The following MDGA2 variants were observed in gnomAD, a reference collection of about 807,000 sequenced individuals.
MDGA2 encodes MAM domain-containing glycosylphosphatidylinositol anchor protein 2.
In MDGA2, 40 loss-of-function variants were observed where a neutral mutation model predicts 117.8. The ratio of observed to expected loss-of-function variants is 0.34; its 90% CI spans 0.26 to 0.44. The LOEUF (loss-of-function observed/expected upper bound fraction) is 0.44, where lower values mean the gene tolerates loss of function less well. Ranked by LOEUF, MDGA2 falls within the 20% of genes least tolerant of loss-of-function variation. The probability of loss-of-function intolerance (pLI) is 1.00; values close to 1 mark genes in which losing one functional copy is unlikely to be tolerated. For synonymous variants in MDGA2, 452 were observed against 439.0 expected, an observed-to-expected ratio of 1.03 and a Z score of -0.37; for missense variants, 1,123 against 1,250.6, an observed-to-expected ratio of 0.90 and a Z score of 1.54.
chr14:46,914,368 C>A (rs1883822505), intron 10 of MDGA2, among the ~76,000 whole-genome samples: 1 of 152,050 alleles, frequency 6.6e-6, no homozygotes, highest in Admixed American at 6.5e-5. Flanking sequence ...CTTTTTTCCA[C>A]AAATTAATTT....
At chr14:47,154,231 T>A (rs1883276573) in intron 3 of MDGA2, among the ~76,000 whole-genome samples, 1 of 152,096 alleles carries the variant, frequency 6.6e-6, no homozygotes, top group African/African-American at 2.4e-5. Flanking sequence ...AAATGCCCAA[T>A]GTTTGAAATA....
At chr14:47,625,008 ACT>A (rs1171972771) in intron 1 of MDGA2, among the ~76,000 whole-genome samples, 7 of 152,052 alleles carry the variant, frequency 4.6e-5, no homozygotes, top group African/African-American at 1.2e-4. Context: ...AATCACTGAA[ACT>A]CTCATTTTTA....
Position 47,038,410 on chromosome 14 carries a change from A to G in MDGA2, c.1526-3106T>C, listed in dbSNP as rs922783584. 1.3e-4 allele frequency among the ~76,000 whole-genome samples: 20 copies of G among 152,316 alleles called. 1 individual carries two copies. The Middle Eastern group carries it at 0.02, about 155-fold the overall frequency. On this transcript the variant is annotated intron_variant, in intron 7 of 16. Coordinates refer to ENST00000399232, the MANE Select transcript of MDGA2 (RefSeq NM_001113498.3). Reference sequence around the variant, plus strand: ...TATTACATTAGACCGTTCAAATCACAATAGATTATTGACTATAATTTTTTT... The same window carrying G: ...TATTACATTAGACCGTTCAAATCACGATAGATTATTGACTATAATTTTTTT...
In MDGA2 at chr14:47,531,105, C is replaced by T. The variant is rs573510827; in HGVS notation, c.280+143412G>A. 6.6e-5 allele frequency among the ~76,000 whole-genome samples: 10 copies of T among 152,134 alleles called. No homozygotes were observed. In the South Asian group the frequency reaches 1.5e-3, roughly 22 times the overall value. ...CTAAAAATACAAAAAGTTAGCCAGG[C>T]GTGGTGGTGGGCGCCTGTAGTCCCA... On this transcript the variant is annotated intron_variant, in intron 1 of 16. Transcript: ENST00000399232.
At chr14:47,240,414 TGTTAA>T (rs1264493065) in intron 2 of MDGA2, among the ~76,000 whole-genome samples, 2 of 151,838 alleles carry the variant, frequency 1.3e-5, no homozygotes, top group Non-Finnish European at 2.9e-5. Context: ...TATAGGAGTG[TGTTAA>T]GTTATGAACA....
intron 6 of MDGA2, among the ~76,000 whole-genome samples, chr14:47,083,611 T>C (rs753044125): frequency 6.6e-6 from 1 of 152,028 alleles, no homozygotes; most frequent in Non-Finnish European, 1.5e-5. Flanking sequence ...GTGTAAATTA[T>C]CTAAATACAC....
intron 1 of MDGA2, among the ~76,000 whole-genome samples, chr14:47,512,728 G>A (rs1018156332): frequency 5.3e-5 from 8 of 152,164 alleles, no homozygotes; most frequent in South Asian, 2.1e-4. Context: ...ATTCCCTATA[G>A]AGCCACTCAA....
intron 10 of MDGA2, among the ~76,000 whole-genome samples, chr14:46,886,715 A>G (rs1323932760): frequency 6.6e-6 from 1 of 151,962 alleles, no homozygotes; most frequent in African/African-American, 2.4e-5. Flanking sequence ...AATAAGAGAG[A>G]GAAGGAATTC....
In MDGA2 at chr14:46,920,123, G is replaced by A; in HGVS notation, c.2127C>T (p.Tyr709=). 6.2e-7 allele frequency: 1 copy of A among 1,610,562 alleles called. No individual in the cohort carries two copies. The highest frequency in any genetic ancestry group is 8.5e-7 in the Non-Finnish European group (1 of 1,178,594). The change falls in exon 10 of 17, where the codon TAC becomes TAT. Residue 709 remains tyrosine, a synonymous_variant. Coordinates refer to ENST00000399232, the MANE Select transcript of MDGA2 (RefSeq NM_001113498.3). ...GGTGTCTGTTCTGCCATACTGGATTGTAGGTATCATAATAGAATTCTGGAG... is the reference window on the plus strand; with the variant it reads ...GGTGTCTGTTCTGCCATACTGGATTATAGGTATCATAATAGAATTCTGGAG... The part of the protein sequence containing the change: ...AYAPEFYYDT[Y]NPVWQNRHRV...
intron 1 of MDGA2, among the ~76,000 whole-genome samples, chr14:47,493,480 C>A (rs1403214453): frequency 6.6e-6 from 1 of 151,624 alleles, no homozygotes; most frequent in African/African-American, 2.4e-5. Flanking sequence ...ACTGCCTGGG[C>A]TGAGTTTTGT....
At chr14:46,979,347 G>C (rs1886582628) in intron 8 of MDGA2, among the ~76,000 whole-genome samples, 1 of 151,816 alleles carries the variant, frequency 6.6e-6, no homozygotes. Context: ...GTTGAAATTA[G>C]GCCAATTAAC....
At chr14:47,370,610 G>T (rs1449880350) in intron 1 of MDGA2, among the ~76,000 whole-genome samples, 1 of 149,184 alleles carries the variant, frequency 6.7e-6, no homozygotes, top group Non-Finnish European at 1.5e-5. Flanking sequence ...ATGTAAGAAT[G>T]TGTTGTTTAT....
intron 1 of MDGA2, among the ~76,000 whole-genome samples, chr14:47,407,064 G>A (rs1892274996): frequency 1.3e-5 from 2 of 151,876 alleles, no homozygotes; most frequent in Middle Eastern, 3.4e-3. Flanking sequence ...ACATTATGTA[G>A]GTTGTTTCCA....
At chr14:47,306,057 G>A (rs983981431) in intron 1 of MDGA2, 1 of 152,110 alleles carries the variant, frequency 6.6e-6, no homozygotes, top group African/African-American at 2.4e-5. Context: ...ATCCCCTGTA[G>A]TTTATCATTT....
At chr14:47,068,069 A>G (rs1322342225) in intron 6 of MDGA2, among the ~76,000 whole-genome samples, 1 of 152,150 alleles carries the variant, frequency 6.6e-6, no homozygotes, top group Non-Finnish European at 1.5e-5. Flanking sequence ...GAGTCAGACG[A>G]TGAAATGAAG....
chr14:47,269,208 T>C (rs1397412049), intron 2 of MDGA2, among the ~76,000 whole-genome samples: 1 of 151,652 alleles, frequency 6.6e-6, no homozygotes, highest in African/African-American at 2.4e-5. Flanking sequence ...CCCTAAGCAT[T>C]TTTTTTTGGT....
intron 1 of MDGA2, among the ~76,000 whole-genome samples, chr14:47,569,449 TG>T (rs1322031293): frequency 1.3e-5 from 2 of 152,172 alleles, no homozygotes; most frequent in East Asian, 3.9e-4. Context: ...ATTTCGTGAT[TG>T]GGGAACAGAT....
intron 3 of MDGA2, among the ~76,000 whole-genome samples, chr14:47,192,435 C>T (rs903094304): frequency 6.6e-6 from 1 of 151,746 alleles, no homozygotes; most frequent in African/African-American, 2.4e-5. Context: ...GGCAACATGG[C>T]AAAACCCCAT....
intron 7 of MDGA2, among the ~76,000 whole-genome samples, chr14:47,060,120 T>C (rs1889829861): frequency 1.3e-5 from 2 of 151,928 alleles, no homozygotes. Context: ...TGTCTCTAGC[T>C]TTTTTTTAAG....
Sources: allele counts gnomAD v4.1 joint callset (sites outside exome capture counted in the v4.1 genomes callset), GRCh38; gene constraint gnomAD v4.1.1; transcripts MANE v1.5; gene names NCBI Gene and HGNC (gene_info 2026-07-23, HGNC 2026-07-21).